RIT2: variants seen among roughly 807,000 people sequenced by gnomAD.
RIT2 encodes Ras like without CAAX 2.
In RIT2, 24 loss-of-function variants were observed where a neutral mutation model predicts 23.7. That is an observed-to-expected ratio of 1.01 (90% CI 0.73 to 1.43). The LOEUF (loss-of-function observed/expected upper bound fraction) is 1.43. RIT2 is among the 40% of genes most tolerant of loss of function. The pLI is 0.00. For missense variants in RIT2, 236 were observed against 266.9 expected (o/e 0.88, Z 0.81); for synonymous variants, 107 against 91.1 (o/e 1.17, Z -0.99).
At chr18:43,072,157 T>G (rs545941600) in intron 1 of RIT2, among the ~76,000 whole-genome samples, 39 of 152,152 alleles carry the variant, frequency 2.6e-4, no homozygotes, top group Non-Finnish European at 4.7e-4. Context: ...AGCTGATTTT[T>G]GTATTTTTAG....
intron 4 of RIT2, among the ~76,000 whole-genome samples, chr18:42,881,116 C>A (rs543506392): frequency 1.3e-5 from 2 of 152,140 alleles, no homozygotes; most frequent in African/African-American, 4.8e-5. Context: ...ATCTTCCTAC[C>A]TCTTTTAAAC....
intron 4 of RIT2, among the ~76,000 whole-genome samples, chr18:42,922,318 G>C (rs538070184): frequency 6.6e-6 from 1 of 152,214 alleles, no homozygotes; most frequent in South Asian, 2.1e-4. Flanking sequence ...ATTTGTTTTA[G>C]TGAAGATTCC....
At chr18:42,798,995 T>C (rs991284769) in intron 4 of RIT2, among the ~76,000 whole-genome samples, 1 of 152,170 alleles carries the variant, frequency 6.6e-6, no homozygotes. Flanking sequence ...GCATAAACTG[T>C]TTATTTTAGT....
At chr18:42,853,840 A>G (rs1907117391) in intron 4 of RIT2, among the ~76,000 whole-genome samples, 1 of 152,236 alleles carries the variant, frequency 6.6e-6, no homozygotes, top group African/African-American at 2.4e-5. Flanking sequence ...AAACCTAAAA[A>G]TAGGTTGCAA....
chr18:42,822,505 G>A (rs1906180983), intron 4 of RIT2, among the ~76,000 whole-genome samples: 1 of 152,018 alleles, frequency 6.6e-6, no homozygotes, highest in African/African-American at 2.4e-5. Flanking sequence ...GCAATGGTTG[G>A]TTCCAATACA....
intron 4 of RIT2, among the ~76,000 whole-genome samples, chr18:42,809,799 T>C (rs1480707439): frequency 6.8e-6 from 1 of 146,740 alleles, no homozygotes; most frequent in African/African-American, 2.5e-5. Flanking sequence ...AGTAAACTGA[T>C]TTGATCTTTA....
At chr18:42,745,784 C>T (rs598658) in intron 4 of RIT2, among the ~76,000 whole-genome samples, 2 of 151,898 alleles carry the variant, frequency 1.3e-5, no homozygotes, top group East Asian at 1.9e-4. Context: ...CACTGTATAA[C>T]GTGGGTTACC....
At chr18:42,925,127 A>G (rs2144136429) in intron 3 of RIT2, among the ~76,000 whole-genome samples, 1 of 152,214 alleles carries the variant, frequency 6.6e-6, no homozygotes, top group South Asian at 2.1e-4. Flanking sequence ...ACTGTATCAT[A>G]TTACTTAGCA....
intron 2 of RIT2, among the ~76,000 whole-genome samples, chr18:42,988,913 T>G (rs1300044492): frequency 6.6e-6 from 1 of 152,196 alleles, no homozygotes; most frequent in Non-Finnish European, 1.5e-5. Context: ...AGCAATCTGC[T>G]GAAGAGTAAT....
intron 4 of RIT2, among the ~76,000 whole-genome samples, chr18:42,795,029 G>A (rs1315200636): frequency 1.3e-5 from 2 of 152,222 alleles, no homozygotes; most frequent in Non-Finnish European, 2.9e-5. Context: ...TAAGGAGAGA[G>A]ATGGGCAAGA....
At chr18:42,981,194 T>C (rs953330591) in intron 2 of RIT2, among the ~76,000 whole-genome samples, 27 of 152,222 alleles carry the variant, frequency 1.8e-4, no homozygotes, top group Admixed American at 1.8e-3. Context: ...ACCTGGCATC[T>C]CTTGGTCTAC....
At chr18:43,067,895 T>C (rs762841600) in intron 1 of RIT2, among the ~76,000 whole-genome samples, 3 of 152,014 alleles carry the variant, frequency 2.0e-5, no homozygotes, top group Non-Finnish European at 4.4e-5. Flanking sequence ...ATTCAGATGG[T>C]TGGAAAGGAG....
At chr18:43,055,021 C>G (rs962049484) in intron 1 of RIT2, among the ~76,000 whole-genome samples, 1 of 152,078 alleles carries the variant, frequency 6.6e-6, no homozygotes, top group Non-Finnish European at 1.5e-5. Context: ...TCATGGGTAA[C>G]CCTTCAGGCT....
intron 2 of RIT2, among the ~76,000 whole-genome samples, chr18:42,986,081 C>T (rs2144220526): frequency 6.7e-6 from 1 of 150,008 alleles, no homozygotes; most frequent in South Asian, 2.1e-4. Flanking sequence ...CTCTCATTGC[C>T]TAGGCTGGAG....
intron 4 of RIT2, among the ~76,000 whole-genome samples, chr18:42,837,375 G>A (rs956398661): frequency 4.2e-4 from 63 of 151,222 alleles, no homozygotes; most frequent in African/African-American, 1.5e-3. Context: ...CATCTTGTTA[G>A]CCAGGATGGT....
chr18:43,105,490 G>GAAGGGAGGAAGAGAGGAAGGGAGGAATGA (rs1568083814), intron 1 of RIT2, among the ~76,000 whole-genome samples: 1 of 118,240 alleles, frequency 8.5e-6, no homozygotes, highest in Non-Finnish European at 1.7e-5. Flanking sequence ...GGGAGGAAGG[G>GAAGGGAGGAAGAGAGGAAGGGAGGAATGA]AGGAAGAAAG....
intron 2 of RIT2, among the ~76,000 whole-genome samples, chr18:43,014,230 A>C (rs1334675753): frequency 6.6e-6 from 1 of 151,844 alleles, no homozygotes; most frequent in Non-Finnish European, 1.5e-5. Flanking sequence ...GCATAAGAAC[A>C]TACTTCAGAC....
chr18:43,083,826 A>C (rs1913216418), intron 1 of RIT2, among the ~76,000 whole-genome samples: 2 of 152,318 alleles, frequency 1.3e-5, no homozygotes, highest in Admixed American at 1.3e-4. Flanking sequence ...AGGCATGGGC[A>C]AAGACTTCAT....
intron 2 of RIT2, among the ~76,000 whole-genome samples, chr18:42,980,412 C>T (rs185086065): frequency 2.7e-4 from 41 of 152,160 alleles, no homozygotes; most frequent in Non-Finnish European, 5.1e-4. Flanking sequence ...ACCCCACTAG[C>T]ATCTATTTAT....
Sources: gnomAD v4.1 joint callset for allele counts (sites outside exome capture counted in the v4.1 genomes callset) on GRCh38, gnomAD v4.1.1 for gene constraint, MANE v1.5 for transcripts, NCBI Gene and HGNC (gene_info 2026-07-23, HGNC 2026-07-21) for gene names.